DSCAML1: variants seen among roughly 807,000 people sequenced by gnomAD.
DSCAML1 encodes DS cell adhesion molecule like 1.
DSCAML1 carries 38 observed loss-of-function variants against 200.5 expected under a neutral mutation model. The observed-to-expected ratio is 0.19, with a 90% confidence interval of 0.15 to 0.25. DSCAML1 has a LOEUF of 0.25. Ranked by LOEUF, DSCAML1 falls within the 10% of genes least tolerant of loss-of-function variation. The pLI is 1.00. For missense variants in DSCAML1, 2,223 were observed against 2,858.8 expected (o/e 0.78, Z 5.07); for synonymous variants, 1,215 against 1,165.0 (o/e 1.04, Z -0.87).
At chr11:117,531,175 C>T (rs2050070695) in intron 4 of DSCAML1, among the ~76,000 whole-genome samples, 1 of 152,184 alleles carries the variant, frequency 6.6e-6, no homozygotes, top group South Asian at 2.1e-4. Context: ...CTCTCTGTGA[C>T]CTCAGCATGG....
chr11:117,545,876 G>C (rs552480857), intron 3 of DSCAML1, among the ~76,000 whole-genome samples: 2 of 152,370 alleles, frequency 1.3e-5, no homozygotes, highest in East Asian at 3.9e-4. Flanking sequence ...CAACTCATCT[G>C]TGTGGTCAGA....
intron 1 of DSCAML1, among the ~76,000 whole-genome samples, chr11:117,792,094 T>C (rs2055477390): frequency 6.6e-6 from 1 of 152,162 alleles, no homozygotes; most frequent in Admixed American, 6.5e-5. Context: ...AATTGGATAA[T>C]GAATAAAAGC....
chr11:117,782,389 G>A (rs962905377), intron 1 of DSCAML1, among the ~76,000 whole-genome samples: 10 of 152,250 alleles, frequency 6.6e-5, no homozygotes, highest in Non-Finnish European at 1.2e-4. Flanking sequence ...TTAGCAGCAA[G>A]TGCATTTGCT....
chr11:117,689,442 G>A (rs1029088437), intron 3 of DSCAML1, among the ~76,000 whole-genome samples: 1 of 152,192 alleles, frequency 6.6e-6, no homozygotes, highest in African/African-American at 2.4e-5. Flanking sequence ...AAATGTGAAA[G>A]GATAGTAATA....
In DSCAML1 at chr11:117,430,734, G is replaced by A. The variant is rs201027576; in HGVS notation, c.5674C>T (p.Arg1892Trp). Residue 1892 changes from arginine to tryptophan, a missense_variant, in exon 32 of 33, where the codon CGG becomes TGG. Physicochemically the swap from Arg to Trp is moderately radical, Grantham distance 101. This residue lies in a region of DSCAML1 where 96 missense variants were observed against 160.7 expected (regional missense o/e 0.60). Coordinates refer to ENST00000651296, the MANE Select transcript of DSCAML1 (RefSeq NM_020693.4). ...TCTGAGCACTCACTCTTGTTGGCCC[G>A]GTGAGGGATGGGCACAGCCACGTTT... is the stretch of plus-strand genomic sequence containing the variant. ...GKNVAVPIPH[R>W]ANKSDYCNLP... 7.6e-5 allele frequency: 122 copies of A among 1,612,346 alleles called. No homozygotes were observed. The highest frequency in any genetic ancestry group is 1.8e-4 in the South Asian group (16 of 90,892).
At chr11:117,736,113 AC>A (rs921843764) in intron 3 of DSCAML1, among the ~76,000 whole-genome samples, 17 of 152,148 alleles carry the variant, frequency 1.1e-4, no homozygotes, top group Admixed American at 3.3e-4. Context: ...TGATGTTATA[AC>A]CCCACAGTTT....
At chr11:117,491,464 G>T (rs948962597) in intron 11 of DSCAML1, among the ~76,000 whole-genome samples, 2 of 152,216 alleles carry the variant, frequency 1.3e-5, no homozygotes, top group Admixed American at 6.5e-5. Context: ...TCTCATCCAT[G>T]ACGTAAGAAT....
intron 3 of DSCAML1, among the ~76,000 whole-genome samples, chr11:117,610,168 A>G (rs1029285671): frequency 2.6e-5 from 4 of 152,136 alleles, no homozygotes; most frequent in African/African-American, 9.7e-5. Context: ...ACTGCTTCCA[A>G]TGGATTGTTT....
chr11:117,793,169 C>T (rs1475301564), intron 1 of DSCAML1, among the ~76,000 whole-genome samples: 1 of 152,190 alleles, frequency 6.6e-6, no homozygotes, highest in Non-Finnish European at 1.5e-5. Context: ...ATATGCAAAT[C>T]TGGGGTGTGC....
chr11:117,584,943 GACAAGTGTCCAAT>G (rs1160949616), intron 3 of DSCAML1, among the ~76,000 whole-genome samples: 1 of 152,174 alleles, frequency 6.6e-6, no homozygotes, highest in Non-Finnish European at 1.5e-5. Context: ...CTTGGCACAG[GACAAGTGTCCAAT>G]ACATATTAGC....
chr11:117,736,055 T>G (rs986901367), intron 3 of DSCAML1, among the ~76,000 whole-genome samples: 12 of 152,152 alleles, frequency 7.9e-5, no homozygotes, highest in African/African-American at 2.9e-4. Context: ...GCTGTATTCA[T>G]TATCTACTGC....
chr11:117,431,456 G>C, intron 31 of DSCAML1, 78 bp downstream of exon 31: 1 of 1,354,126 alleles, frequency 7.4e-7, no homozygotes, highest in Non-Finnish European at 9.9e-7. Flanking sequence ...GGTAGAAGCT[G>C]GGAAGAATAG....
intron 2 of DSCAML1, among the ~76,000 whole-genome samples, chr11:117,778,376 C>T (rs1231931688): frequency 1.3e-5 from 2 of 152,120 alleles, no homozygotes; most frequent in Non-Finnish European, 1.5e-5. Context: ...CTGGGGTGCA[C>T]GCCACCTGTG....
intron 1 of DSCAML1, among the ~76,000 whole-genome samples, chr11:117,782,340 C>T (rs2055279580): frequency 1.3e-5 from 2 of 152,218 alleles, no homozygotes; most frequent in African/African-American, 4.8e-5. Flanking sequence ...CTGGAAAACA[C>T]ATTCGTGGGC....
chr11:117,704,418 A>G (rs1012744173), intron 3 of DSCAML1, among the ~76,000 whole-genome samples: 1 of 151,894 alleles, frequency 6.6e-6, no homozygotes. Context: ...ACCCCTTCCC[A>G]TATGTTGTGT....
At chr11:117,732,008 A>G (rs1390096144) in intron 3 of DSCAML1, among the ~76,000 whole-genome samples, 1 of 152,118 alleles carries the variant, frequency 6.6e-6, no homozygotes, top group Non-Finnish European at 1.5e-5. Flanking sequence ...CTCCCTCTCC[A>G]TAGCTACCTT....
chr11:117,710,448 T>C (rs1346985055), intron 3 of DSCAML1, among the ~76,000 whole-genome samples: 2 of 152,196 alleles, frequency 1.3e-5, no homozygotes, highest in African/African-American at 4.8e-5. Flanking sequence ...GGGAAGGAGC[T>C]GACATGTGTT....
At chr11:117,662,695 T>A (rs1446272111) in intron 3 of DSCAML1, among the ~76,000 whole-genome samples, 3 of 152,214 alleles carry the variant, frequency 2.0e-5, no homozygotes, top group Admixed American at 6.5e-5. Context: ...TTCAGGTAGG[T>A]GTAGAGGCTT....
chr11:117,445,333 G>C (rs550746048), intron 20 of DSCAML1, among the ~76,000 whole-genome samples: 2 of 99,940 alleles, frequency 2.0e-5, no homozygotes, highest in Non-Finnish European at 5.7e-5. Context: ...CAGGAGGTCC[G>C]GGGGGGCAGG....
Sources: gnomAD v4.1 joint callset for allele counts (sites outside exome capture counted in the v4.1 genomes callset) on GRCh38, gnomAD v4.1.1 for gene constraint, gnomAD v4.1.1 regional missense constraint, MANE v1.5 for transcripts, NCBI Gene and HGNC (gene_info 2026-07-23, HGNC 2026-07-21) for gene names.